The following NEO1 variants were observed in gnomAD, a reference collection of about 807,000 sequenced individuals.
NEO1 encodes the protein neogenin 1.
A neutral mutation model predicts 159.7 loss-of-function variants in NEO1; 63 were observed. That is an observed-to-expected ratio of 0.39 (90% CI 0.32 to 0.49). The LOEUF (loss-of-function observed/expected upper bound fraction) is 0.49. NEO1 is among the 20% of genes least tolerant of loss of function. NEO1 has a pLI of 0.85. For synonymous variants in NEO1, 633 were observed against 662.0 expected, an observed-to-expected ratio of 0.96 and a Z score of 0.67; for missense variants, 1,615 against 1,831.0, an observed-to-expected ratio of 0.88 and a Z score of 2.15.
At chr15:73,193,214 T>C (rs1273390256) in intron 7 of NEO1, among the ~76,000 whole-genome samples, 3 of 152,092 alleles carry the variant, frequency 2.0e-5, no homozygotes, top group African/African-American at 7.2e-5. Context: ...GTTGAGTACA[T>C]GTGCTGTGTA....
intron 1 of NEO1, among the ~76,000 whole-genome samples, chr15:73,059,877 A>C (rs986818056): frequency 6.6e-6 from 1 of 152,182 alleles, no homozygotes; most frequent in African/African-American, 2.4e-5. Context: ...AGCTACTCCC[A>C]TGTTTTTTGG....
At chr15:73,144,432 G>A (rs958566595) in intron 5 of NEO1, among the ~76,000 whole-genome samples, 1 of 152,136 alleles carries the variant, frequency 6.6e-6, no homozygotes, top group African/African-American at 2.4e-5. Context: ...TAAGTGCATT[G>A]ACGTCTTTAA....
At chr15:73,286,867 A>T (rs1596603687) in intron 23 of NEO1, among the ~76,000 whole-genome samples, 1 of 151,970 alleles carries the variant, frequency 6.6e-6, no homozygotes, top group East Asian at 1.9e-4. Context: ...CTCTACTCCC[A>T]CTGTCCCATG....
chr15:73,244,958 A>AAAAAAAAAAC (rs2039688249), intron 9 of NEO1, among the ~76,000 whole-genome samples: 6 of 126,440 alleles, frequency 4.7e-5, no homozygotes, highest in Non-Finnish European at 9.8e-5. Flanking sequence ...CTGTCTCAAA[A>AAAAAAAAAAC]AAAAAAAAAA....
intron 5 of NEO1, among the ~76,000 whole-genome samples, chr15:73,171,612 CTATTATTATTATTATTAT>C (rs10549726): frequency 1.2e-4 from 16 of 139,010 alleles, no homozygotes; most frequent in South Asian, 2.4e-4. Flanking sequence ...TATTAAGAAA[CTATTATTATTATTATTAT>C]TATTATTATT....
chr15:73,144,341 T>C (rs529057669), intron 5 of NEO1, among the ~76,000 whole-genome samples: 52 of 152,314 alleles, frequency 3.4e-4, no homozygotes, highest in African/African-American at 1.2e-3. Flanking sequence ...ACTGAAGCCA[T>C]TAAAGGTGAA....
At chr15:73,072,669 A>G (rs2068591295) in intron 1 of NEO1, among the ~76,000 whole-genome samples, 1 of 152,172 alleles carries the variant, frequency 6.6e-6, no homozygotes, top group Non-Finnish European at 1.5e-5. Flanking sequence ...TAAAGTGACC[A>G]TCATAATACA....
intron 11 of NEO1, among the ~76,000 whole-genome samples, chr15:73,251,647 G>A (rs552798524): frequency 6.6e-6 from 1 of 151,960 alleles, no homozygotes; most frequent in Admixed American, 6.6e-5. Flanking sequence ...GTTTACTGTA[G>A]GCTGTTAAAT....
intron 3 of NEO1, 29 bp from the exon 4 acceptor site, chr15:73,126,388 T>C: frequency 6.4e-7 from 1 of 1,562,490 alleles, no homozygotes; most frequent in Non-Finnish European, 8.6e-7. Flanking sequence ...CCTTTAATTA[T>C]TGTCTTTGTT....
intron 22 of NEO1, among the ~76,000 whole-genome samples, chr15:73,282,084 C>T (rs974111375): frequency 6.6e-6 from 1 of 152,166 alleles, no homozygotes; most frequent in Non-Finnish European, 1.5e-5. Context: ...CTGCATTTCT[C>T]TTCCTTGAGA....
chr15:73,292,081 T>A (rs573272663), intron 25 of NEO1, among the ~76,000 whole-genome samples: 43 of 152,260 alleles, frequency 2.8e-4, no homozygotes, highest in African/African-American at 1.0e-3. Flanking sequence ...GAGCAGCACC[T>A]GAGGGAAAGC....
At chr15:73,289,991 A>G (rs990501185) in intron 25 of NEO1, among the ~76,000 whole-genome samples, 4 of 151,834 alleles carry the variant, frequency 2.6e-5, no homozygotes, top group African/African-American at 4.8e-5. Flanking sequence ...GTGGCACACA[A>G]CCTGTAGTCC....
At chr15:73,147,402 C>A (rs2032991905) in intron 5 of NEO1, among the ~76,000 whole-genome samples, 1 of 152,184 alleles carries the variant, frequency 6.6e-6, no homozygotes. Flanking sequence ...TGCCACCAGC[C>A]ATCCATCAGA....
intron 7 of NEO1, among the ~76,000 whole-genome samples, chr15:73,194,081 C>T (rs2036389376): frequency 6.6e-6 from 1 of 152,062 alleles, no homozygotes; most frequent in African/African-American, 2.4e-5. Context: ...TATTTAATAC[C>T]AAGTCAAAGG....
intron 7 of NEO1, among the ~76,000 whole-genome samples, chr15:73,222,402 C>A (rs575661778): frequency 6.6e-6 from 1 of 151,858 alleles, no homozygotes; most frequent in East Asian, 1.9e-4. Context: ...CCGTGCCTGG[C>A]GGTAATTTTT....
In NEO1 at chr15:73,126,562, C is replaced by T; in HGVS notation, c.870C>T (p.Asp290=). The part of the protein sequence containing the change: ...IKWMKNEEAL[D]TESSERLVLL... The stretch of plus-strand genomic sequence containing the variant: ...GGATGAAAAATGAGGAGGCACTTGA[C>T]ACAGAAAGGTAAGTGTTGTCTGCCT... Residue 290 remains aspartate, a synonymous_variant, in exon 4 of 29, where the codon GAC becomes GAT. Transcript: ENST00000261908. The T allele has an allele frequency of 6.2e-7, 1 of 1,612,650 alleles. No individual in the cohort carries two copies. The highest frequency in any genetic ancestry group is 8.5e-7 in the Non-Finnish European group (1 of 1,179,494).
At position 73,270,659 on chromosome 15, in the gene NEO1, A is replaced by C. The variant is rs2041126019; in HGVS notation, c.2857+205A>C. Among the ~76,000 whole-genome samples the C allele has an allele frequency of 2.0e-5, 3 of 152,248 alleles. No individual in the cohort carries two copies. The South Asian group carries it at 6.2e-4, about 32-fold the overall frequency. ...AGGATACTACAGGGAAAACATGATAAATTACAAAGCACTGGGTAGATGTAA... is the reference window on the plus strand; with the variant it reads ...AGGATACTACAGGGAAAACATGATACATTACAAAGCACTGGGTAGATGTAA... On this transcript the variant is annotated intron_variant, in intron 18 of 28. Transcript: ENST00000261908.
rs777457879 is a variant in NEO1, at chr15:73,236,485, A to G, written c.1430A>G (p.Tyr477Cys). Residue 477 changes from tyrosine (Y) to cysteine (C), a missense_variant, in exon 8 of 29, where the codon TAC becomes TGC. This residue lies in a region of NEO1 where 1,018 missense variants were observed against 1,115.4 expected (regional missense o/e 0.91). Transcript: ENST00000261908. ...HGDNLTYSVFYTKEGIARERV... is the reference protein window; with the variant it reads ...HGDNLTYSVFCTKEGIARERV... ...GACAACCTTACCTACTCTGTGTTCT[A>G]CACCAAGGAAGGGATTGCTAGGTAA... 10 of 1,614,142 alleles carry G rather than the reference A, an allele frequency of 6.2e-6. No individual in the cohort carries two copies. The highest frequency in any genetic ancestry group is 8.5e-6 in the Non-Finnish European group (10 of 1,179,996).
At chr15:73,133,113 A>C (rs1465013088) in intron 4 of NEO1, among the ~76,000 whole-genome samples, 3 of 152,216 alleles carry the variant, frequency 2.0e-5, no homozygotes, top group South Asian at 2.1e-4. Context: ...TGCAATTGCA[A>C]AAATATGGAA....
Sources: gnomAD v4.1 joint callset for allele counts (sites outside exome capture counted in the v4.1 genomes callset) on GRCh38, gnomAD v4.1.1 for gene constraint, gnomAD v4.1.1 regional missense constraint, MANE v1.5 for transcripts, NCBI Gene and HGNC (gene_info 2026-07-23, HGNC 2026-07-21) for gene names.